Variants in PLPPR1 observed in about 807,000 individuals in gnomAD.
PLPPR1 encodes phospholipid phosphatase-related protein type 1.
A neutral mutation model predicts 33.1 loss-of-function variants in PLPPR1; 10 were observed. The observed-to-expected ratio is 0.30, with a 90% CI of 0.19 to 0.51. PLPPR1 has a LOEUF of 0.51. Ranked by LOEUF, PLPPR1 falls within the 20% of genes least tolerant of loss-of-function variation. The pLI, the probability that PLPPR1 is intolerant of heterozygous loss-of-function variation, is 0.97. For missense variants in PLPPR1, 304 were observed against 408.1 expected, an observed-to-expected ratio of 0.74 and a Z score of 2.20; for synonymous variants, 151 against 151.0, an observed-to-expected ratio of 1.00 and a Z score of 0.00.
chr9:101,101,476 G>A (rs570539068), intron 1 of PLPPR1, among the ~76,000 whole-genome samples: 2 of 151,030 alleles, frequency 1.3e-5, no homozygotes, highest in African/African-American at 4.9e-5. Context: ...GACAGTGGTT[G>A]ACACATTTCT....
chr9:101,043,444 C>CAT (rs566415138), intron 1 of PLPPR1, among the ~76,000 whole-genome samples: 363 of 150,816 alleles, frequency 2.4e-3, no homozygotes, highest in Middle Eastern at 0.014. Context: ...TATGTATATG[C>CAT]ATACACATAT....
intron 1 of PLPPR1, among the ~76,000 whole-genome samples, chr9:101,034,020 A>T (rs569732069): frequency 6.9e-6 from 1 of 145,484 alleles, no homozygotes; most frequent in African/African-American, 2.6e-5. Flanking sequence ...CTCAGAAACC[A>T]TTTCAGAGAG....
chr9:101,155,747 G>A (rs1227386042), intron 1 of PLPPR1, among the ~76,000 whole-genome samples: 1 of 152,020 alleles, frequency 6.6e-6, no homozygotes, highest in African/African-American at 2.4e-5. Flanking sequence ...TTACAGGCAT[G>A]CGCCACCACA....
At chr9:101,245,198 C>A (rs186260188) in intron 2 of PLPPR1, among the ~76,000 whole-genome samples, 24 of 152,092 alleles carry the variant, frequency 1.6e-4, no homozygotes, top group African/African-American at 4.3e-4. Flanking sequence ...TTATACATGT[C>A]TCACTAGACA....
At chr9:101,189,774 T>G (rs1288143547) in intron 2 of PLPPR1, among the ~76,000 whole-genome samples, 2 of 152,138 alleles carry the variant, frequency 1.3e-5, no homozygotes, top group East Asian at 3.9e-4. Context: ...CCAGAAATTC[T>G]GTGTGTTTTT....
At chr9:101,221,347 G>A (rs1395591750) in intron 2 of PLPPR1, among the ~76,000 whole-genome samples, 1 of 152,126 alleles carries the variant, frequency 6.6e-6, no homozygotes, top group Non-Finnish European at 1.5e-5. Context: ...TAAGTGTCCA[G>A]GGACAGCCCA....
intron 1 of PLPPR1, among the ~76,000 whole-genome samples, chr9:101,090,757 T>G (rs892176018): frequency 2.4e-5 from 3 of 124,888 alleles, no homozygotes; most frequent in Admixed American, 1.6e-4. Flanking sequence ...AAACAAACAG[T>G]AATGCATTAT....
intron 1 of PLPPR1, among the ~76,000 whole-genome samples, chr9:101,160,258 T>C (rs1831755323): frequency 6.6e-6 from 1 of 152,196 alleles, no homozygotes; most frequent in Non-Finnish European, 1.5e-5. Context: ...AGTTGCTTCA[T>C]GATACTGAAC....
In PLPPR1 at chr9:101,029,964, G is replaced by A. The variant is rs577009030; in HGVS notation, c.-46+862G>A. 6.6e-5 allele frequency among the ~76,000 whole-genome samples: 10 copies of A among 152,092 alleles called. No homozygotes were observed. The South Asian group carries it at 1.7e-3, about 25-fold the overall frequency. ...ACGTGTGGAATATGTGGAGGATTCT[G>A]GATTATTATTTTTCTTTGTGGGGAT... On this transcript the variant is annotated intron_variant, in intron 1 of 7. Transcript: ENST00000374874.
intron 4 of PLPPR1, among the ~76,000 whole-genome samples, chr9:101,296,510 T>G (rs2096805092): frequency 6.6e-6 from 1 of 152,012 alleles, no homozygotes; most frequent in Non-Finnish European, 1.5e-5. Context: ...GTATGTTTAT[T>G]GCGGCACTAT....
chr9:101,134,834 C>T lies in PLPPR1; in HGVS notation c.-45-50616C>T, dbSNP rs558565296. 9.2e-5 allele frequency among the ~76,000 whole-genome samples: 14 copies of T among 151,956 alleles called. No individual in the cohort carries two copies. The South Asian group carries it at 1.5e-3, about 16-fold the overall frequency. On this transcript the variant is annotated intron_variant, in intron 1 of 7. Coordinates refer to ENST00000374874, the MANE Select transcript of PLPPR1 (RefSeq NM_207299.2). ...GGACACGGTGGAACTGGGCCTGGTA[C>T]GGAGCAGCAGATGAATGATAAACCT...
At chr9:101,072,531 C>T (rs1051288920) in intron 1 of PLPPR1, among the ~76,000 whole-genome samples, 8 of 151,956 alleles carry the variant, frequency 5.3e-5, no homozygotes, top group African/African-American at 1.7e-4. Flanking sequence ...TAACAAATCA[C>T]GCTGTGCCAC....
At chr9:101,175,658 C>G (rs1480484445) in intron 1 of PLPPR1, among the ~76,000 whole-genome samples, 1 of 152,042 alleles carries the variant, frequency 6.6e-6, no homozygotes, top group Non-Finnish European at 1.5e-5. Context: ...CTAGTCATGC[C>G]TAATGGGATA....
rs577316263 is a variant in PLPPR1, at chr9:101,273,454, A to T, written c.252+3386A>T. Among the ~76,000 whole-genome samples the T allele has an allele frequency of 3.9e-5, 6 of 152,314 alleles. No individual in the cohort carries two copies. The South Asian group carries it at 1.2e-3, about 32-fold the overall frequency. The stretch of plus-strand genomic sequence containing the variant: ...GTAATTCCTGCATCCTCTGAAATGT[A>T]TGTAGCCCCCATTCACCTGAGCTGT... On this transcript the variant is annotated intron_variant, in intron 3 of 7. Coordinates refer to ENST00000374874, the MANE Select transcript of PLPPR1 (RefSeq NM_207299.2).
chr9:101,214,358 GT>G (rs1427986896), intron 2 of PLPPR1, among the ~76,000 whole-genome samples: 9 of 152,114 alleles, frequency 5.9e-5, no homozygotes, highest in African/African-American at 9.7e-5. Context: ...CCAGCACTTT[GT>G]CATGTCACAT....
At chr9:101,194,304 C>T (rs1438043905) in intron 2 of PLPPR1, among the ~76,000 whole-genome samples, 1 of 152,128 alleles carries the variant, frequency 6.6e-6, no homozygotes, top group Non-Finnish European at 1.5e-5. Flanking sequence ...AAAAGCATAA[C>T]TGATATAGTT....
At chr9:101,283,887 T>A (rs1413166460) in intron 3 of PLPPR1, among the ~76,000 whole-genome samples, 1 of 152,028 alleles carries the variant, frequency 6.6e-6, no homozygotes, top group African/African-American at 2.4e-5. Flanking sequence ...AAATGCTCAG[T>A]ATCACTAATC....
chr9:101,125,135 T>G (rs1216050466), intron 1 of PLPPR1, among the ~76,000 whole-genome samples: 2 of 151,116 alleles, frequency 1.3e-5, no homozygotes, highest in Non-Finnish European at 3.0e-5. Context: ...GACCTTATAT[T>G]GCTAGTCTTT....
chr9:101,033,052 A>G (rs1432545756), intron 1 of PLPPR1, among the ~76,000 whole-genome samples: 1 of 152,204 alleles, frequency 6.6e-6, no homozygotes, highest in African/African-American at 2.4e-5. Flanking sequence ...TCTCACTTAA[A>G]GAGCTCATTG....
Sources: gnomAD v4.1 joint callset for allele counts (sites outside exome capture counted in the v4.1 genomes callset) on GRCh38, gnomAD v4.1.1 for gene constraint, MANE v1.5 for transcripts, NCBI Gene and HGNC (gene_info 2026-07-23, HGNC 2026-07-21) for gene names.